The following LMBR1 variants were observed in gnomAD, a reference collection of about 807,000 sequenced individuals.
LMBR1 encodes limb development membrane protein 1, also known as limb region 1 protein homolog.
A neutral mutation model predicts 73.9 loss-of-function variants in LMBR1; 52 were observed. That is an observed-to-expected ratio of 0.70 (90% CI 0.56 to 0.89). LMBR1 has a LOEUF of 0.89. LMBR1 is among the 40% of genes least tolerant of loss of function. The pLI is 0.00. For synonymous variants in LMBR1, 215 were observed against 209.4 expected, an observed-to-expected ratio of 1.03 and a Z score of -0.23; for missense variants, 539 against 579.8, an observed-to-expected ratio of 0.93 and a Z score of 0.72.
intron 5 of LMBR1, among the ~76,000 whole-genome samples, chr7:156,791,647 C>T (rs1440465279): frequency 6.6e-6 from 1 of 152,178 alleles, no homozygotes; most frequent in African/African-American, 2.4e-5. Flanking sequence ...TTCGCTTCCA[C>T]CTGGTCAGTC....
At chr7:156,848,116 A>G (rs886662852) in intron 1 of LMBR1, among the ~76,000 whole-genome samples, 1 of 152,270 alleles carries the variant, frequency 6.6e-6, no homozygotes, top group African/African-American at 2.4e-5. Flanking sequence ...AAAACCTAAA[A>G]CTATAGAACT....
At chr7:156,711,756 T>C (rs1364619477) in intron 15 of LMBR1, among the ~76,000 whole-genome samples, 1 of 152,152 alleles carries the variant, frequency 6.6e-6, no homozygotes, top group Non-Finnish European at 1.5e-5. Flanking sequence ...GAAAAAAGGA[T>C]ACCCTTTTCA....
At chr7:156,872,152 C>G (rs1799397725) in intron 1 of LMBR1, 1 of 152,012 alleles carries the variant, frequency 6.6e-6, no homozygotes, top group Non-Finnish European at 1.5e-5. Flanking sequence ...AAAACTTTTC[C>G]TGATACCCTG....
At chr7:156,835,538 T>C (rs1837459853) in intron 2 of LMBR1, among the ~76,000 whole-genome samples, 1 of 151,744 alleles carries the variant, frequency 6.6e-6, no homozygotes, top group Non-Finnish European at 1.5e-5. Flanking sequence ...CTATTAAAAA[T>C]ACAAAAATTA....
intron 15 of LMBR1, among the ~76,000 whole-genome samples, chr7:156,717,546 G>A (rs763485351): frequency 6.6e-6 from 1 of 152,118 alleles, no homozygotes; most frequent in Non-Finnish European, 1.5e-5. Context: ...GACAAGATGT[G>A]GGGGGTGAAA....
chr7:156,889,930 G>C (rs991779109), intron 1 of LMBR1, among the ~76,000 whole-genome samples: 2 of 152,046 alleles, frequency 1.3e-5, no homozygotes, highest in East Asian at 1.9e-4. Context: ...CCTGAGCCTT[G>C]GAAGTCAAGG....
chr7:156,735,542 A>G (rs1379044561), intron 9 of LMBR1, among the ~76,000 whole-genome samples: 2 of 92,360 alleles, frequency 2.2e-5, no homozygotes, highest in African/African-American at 1.2e-4. Flanking sequence ...AGTTTTTAAG[A>G]GTGGTGTTTT....
downstream of LMBR1, chr7:156,675,995 T>G: frequency 1.1e-6 from 1 of 920,606 alleles, no homozygotes; most frequent in Non-Finnish European, 1.6e-6. Context: ...GGTGCAGCCG[T>G]GGAGGCTGTG....
At chr7:156,729,834 C>A (rs931814023) in intron 10 of LMBR1, among the ~76,000 whole-genome samples, 1 of 152,188 alleles carries the variant, frequency 6.6e-6, no homozygotes, top group African/African-American at 2.4e-5. Flanking sequence ...CAAACTTCTA[C>A]TTTTACCTAT....
At chr7:156,697,000 C>T (rs928619516) in intron 15 of LMBR1, among the ~76,000 whole-genome samples, 2 of 152,136 alleles carry the variant, frequency 1.3e-5, no homozygotes, top group Non-Finnish European at 2.9e-5. Flanking sequence ...GGGGACCCTG[C>T]TGCCAATATT....
intron 13 of LMBR1, 23 bp downstream of exon 13, chr7:156,725,741 A>C: frequency 6.2e-7 from 1 of 1,605,158 alleles, no homozygotes. Flanking sequence ...GATAGGCTGA[A>C]CGTTCAGTTA....
Position 156,725,527 on chromosome 7 carries a change from T to C in LMBR1, c.1068-2A>G, listed in dbSNP as rs781676492. 25 of 1,577,630 alleles carry C rather than the reference T, an allele frequency of 1.6e-5. No homozygotes were observed. The highest frequency in any genetic ancestry group is 2.2e-5 in the Non-Finnish European group (25 of 1,160,708). ...ACAACAGAGGACACCATAAGATAGC[T>C]GTGAGAATCAAGGAAAAAAACTCTC... On this transcript the variant is annotated splice_acceptor_variant, in intron 13 of 16. Transcript: ENST00000353442. LOFTEE classifies it high-confidence loss of function.
At chr7:156,706,863 G>T (rs192652065) in intron 15 of LMBR1, among the ~76,000 whole-genome samples, 74 of 147,388 alleles carry the variant, frequency 5.0e-4, no homozygotes, top group African/African-American at 1.5e-3. Flanking sequence ...TAGAAGAAAA[G>T]AAATAACAAA....
In LMBR1 at chr7:156,866,457, A is replaced by G. The variant is rs926756431; in HGVS notation, c.66+26471T>C. Among the ~76,000 whole-genome samples, 3 of 151,492 alleles carry G rather than the reference A, an allele frequency of 2.0e-5. No homozygotes were observed. The Admixed American group carries it at 2.0e-4, about 10-fold the overall frequency. ...GTTGGAGACAGCCATTGCTATGCAA[A>G]TGTTCGTCTTGTGAGAGCGGCTTAT... On this transcript the variant is annotated intron_variant, in intron 1 of 16. Coordinates refer to ENST00000353442, the MANE Select transcript of LMBR1 (RefSeq NM_022458.4).
chr7:156,891,989 T>G (rs1342032085), intron 1 of LMBR1, among the ~76,000 whole-genome samples: 1 of 152,136 alleles, frequency 6.6e-6, no homozygotes, highest in East Asian at 1.9e-4. Context: ...AGGAGAGGCG[T>G]AAATATAAAC....
At chr7:156,828,360 T>G (rs746736919) in intron 3 of LMBR1, among the ~76,000 whole-genome samples, 7 of 152,256 alleles carry the variant, frequency 4.6e-5, no homozygotes, top group Non-Finnish European at 1.0e-4. Context: ...AAACATCATT[T>G]GCCCTGTGAA....
rs540407130 is a variant in LMBR1 at position 156,816,086 on chromosome 7, C to G, written c.319+10519G>C. Among the ~76,000 whole-genome samples, 14 of 152,154 alleles carry G rather than the reference C, an allele frequency of 9.2e-5. No homozygotes were observed. The East Asian group carries it at 2.7e-3, about 30-fold the overall frequency. On this transcript the variant is annotated intron_variant, in intron 4 of 16. Transcript: ENST00000353442. The stretch of plus-strand genomic sequence containing the variant: ...TAAAAAAATAAAACTTTGCCTTAGG[C>G]AATGCTCACAAATCACTAAAAAGTA...
intron 1 of LMBR1, among the ~76,000 whole-genome samples, chr7:156,877,638 C>A (rs573592700): frequency 1.1e-4 from 16 of 152,026 alleles, no homozygotes; most frequent in African/African-American, 3.4e-4. Flanking sequence ...AATCCCAGCA[C>A]GTTGGGAGGC....
At chr7:156,684,658 T>C (rs1005513725) in intron 16 of LMBR1, among the ~76,000 whole-genome samples, 6 of 152,196 alleles carry the variant, frequency 3.9e-5, no homozygotes, top group African/African-American at 1.4e-4. Context: ...ACTTGCATTT[T>C]AAAATGCACA....
Sources: gnomAD v4.1 joint callset for allele counts (sites outside exome capture counted in the v4.1 genomes callset) on GRCh38, gnomAD v4.1.1 for gene constraint, MANE v1.5 for transcripts, NCBI Gene and HGNC (gene_info 2026-07-23, HGNC 2026-07-21) for gene names.